Variants in SMPDL3B observed in about 807,000 individuals in gnomAD.
The protein encoded by SMPDL3B is sphingomyelin phosphodiesterase acid like 3B.
Under a neutral mutation model 37.9 loss-of-function variants are expected in SMPDL3B, and 31 were observed. That is an observed-to-expected ratio of 0.82 (90% confidence interval 0.61 to 1.10). The LOEUF is 1.10. Among genes scored for constraint, SMPDL3B ranks in the 50% least tolerant of loss-of-function variants. The probability of loss-of-function intolerance (pLI) is 0.00; values close to 1 mark genes in which losing one functional copy is unlikely to be tolerated. For missense variants in SMPDL3B, 525 were observed against 597.8 expected (o/e 0.88, Z 1.27); for synonymous variants, 235 against 242.6 (o/e 0.97, Z 0.29).
chr1:27,955,790 A>T lies in SMPDL3B; in HGVS notation c.797A>T (p.His266Leu). Residue 266 changes from histidine to leucine, a missense_variant, in exon 6 of 8, where the codon CAT becomes CTT. Physicochemically the swap from His to Leu is moderately conservative, Grantham distance 99 (BLOSUM62 -3). Transcript: ENST00000373894. The part of the protein sequence containing the change: ...NEKYLKVVRK[H>L]HRVIAGQFFG... ...AAATACCTGAAGGTGGTCCGGAAGCATCATCGCGTCATAGCAGGGCAGTTC... is the reference window on the plus strand; with the variant it reads ...AAATACCTGAAGGTGGTCCGGAAGCTTCATCGCGTCATAGCAGGGCAGTTC... 1 of 1,614,180 alleles carries T rather than the reference A, an allele frequency of 6.2e-7. No homozygotes were observed. Among genetic ancestry groups the T allele is most frequent in the Non-Finnish European group, 8.5e-7 (1 of 1,180,034 alleles).
chr1:27,935,021 G>A lies in SMPDL3B; in HGVS notation c.-163G>A, dbSNP rs1225213188. 3 of 598,594 alleles carry A rather than the reference G, an allele frequency of 5.0e-6. No homozygotes were observed. In the South Asian group the frequency reaches 6.1e-5, roughly 12 times the overall value. 37.1% of individuals were successfully genotyped at this position (598,594 alleles called of 1,614,324 possible). ...GATCATACCCTGCTGGGCAAAGGAG[G>A]AAGAGCCAGAGGATCCAGACGCCTT... On this transcript the variant is annotated 5_prime_UTR_variant, in exon 1 of 8. Transcript: ENST00000373894.
In SMPDL3B at chr1:27,946,950, C is replaced by T. The variant is rs143548340; in HGVS notation, c.275+1505C>T. 4.4e-4 allele frequency among the ~76,000 whole-genome samples: 67 copies of T among 152,140 alleles called. 4 individuals carry two copies. The East Asian group carries it at 0.013, about 29-fold the overall frequency. The stretch of plus-strand genomic sequence containing the variant: ...CTTGGGCCTGCTCCCTTGAGGGGAG[C>T]TTCTGATTTCTCCGAGAAGGGAGAG... On this transcript the variant is annotated intron_variant, in intron 2 of 7. Transcript: ENST00000373894.
intron 3 of SMPDL3B, among the ~76,000 whole-genome samples, chr1:27,950,632 AT>A (rs909529801): frequency 2.0e-4 from 30 of 151,720 alleles, no homozygotes; most frequent in African/African-American, 6.8e-4. Flanking sequence ...TATTTTTATT[AT>A]TTTTTTATTT....
At position 27,958,231 on chromosome 1, in the gene SMPDL3B, T is replaced by C. The variant is rs926514556; in HGVS notation, c.1006-245T>C. ...ACCTGTATGAATACCTGTATGACCC[T>C]GGCCAAGTGAATTAACCTCTTTAGG... On this transcript the variant is annotated intron_variant, in intron 7 of 7. Coordinates refer to ENST00000373894, the MANE Select transcript of SMPDL3B (RefSeq NM_014474.4). The surrounding 1 kb of genome is among the most constrained non-coding windows in gnomAD (Gnocchi z 5.6). 5.3e-5 allele frequency among the ~76,000 whole-genome samples: 8 copies of C among 152,218 alleles called. No homozygotes were observed. The highest frequency in any genetic ancestry group is 1.2e-4 in the Non-Finnish European group (8 of 68,026).
chr1:27,958,685 C>T lies in SMPDL3B; in HGVS notation c.1215C>T (p.Cys405=). The change falls in exon 8 of 8, where the codon TGC becomes TGT. Residue 405 remains cysteine, a synonymous_variant. Coordinates refer to ENST00000373894, the MANE Select transcript of SMPDL3B (RefSeq NM_014474.4). This position sits in a 1 kb window ranked among gnomAD's most constrained non-coding sequence, Gnocchi z 5.6. The stretch of plus-strand genomic sequence containing the variant: ...CAGTCAGCTACTCTGCTGGGGTCTG[C>T]GACGAGGCCTGCAGCATGCAGCACG... The part of the protein sequence containing the change: ...YNSVSYSAGV[C]DEACSMQHVC... The T allele has an allele frequency of 2.5e-6, 4 of 1,613,956 alleles. No homozygotes were observed. The highest frequency in any genetic ancestry group is 2.5e-6 in the Non-Finnish European group (3 of 1,180,028).
At chr1:27,937,512 A>T (rs1053314441) in intron 1 of SMPDL3B, among the ~76,000 whole-genome samples, 1 of 152,218 alleles carries the variant, frequency 6.6e-6, no homozygotes, top group African/African-American at 2.4e-5. Context: ...ATGAATTACA[A>T]TTGTGTTTTG....
At chr1:27,936,879 G>T (rs1027366024) in intron 1 of SMPDL3B, among the ~76,000 whole-genome samples, 1 of 152,232 alleles carries the variant, frequency 6.6e-6, no homozygotes, top group East Asian at 1.9e-4. Context: ...AAATTAGCCA[G>T]GCGTGGTGAT....
At chr1:27,946,931 C>T (rs576988699) in intron 2 of SMPDL3B, among the ~76,000 whole-genome samples, 10 of 152,264 alleles carry the variant, frequency 6.6e-5, no homozygotes, top group Admixed American at 3.9e-4. Context: ...TGACCTTGGG[C>T]CTGCTCCCTT....
chr1:27,947,211 T>C (rs1375261060), intron 2 of SMPDL3B, among the ~76,000 whole-genome samples: 1 of 151,988 alleles, frequency 6.6e-6, no homozygotes, highest in African/African-American at 2.4e-5. Flanking sequence ...TAATTTTGTA[T>C]TTTTATTAGA....
chr1:27,942,458 C>A (rs1432330744), intron 1 of SMPDL3B: 1 of 414,590 alleles, frequency 2.4e-6, no homozygotes, highest in Non-Finnish European at 4.9e-6. Flanking sequence ...TTCCTTTACT[C>A]TGGCTTGGGG....
Position 27,956,066 on chromosome 1 carries a change from C to A in SMPDL3B, c.989C>A (p.Ala330Asp), listed in dbSNP as rs142982020. 7 of 1,614,134 alleles carry A rather than the reference C, an allele frequency of 4.3e-6. No homozygotes were observed. In the Admixed American group the frequency reaches 5.0e-5, roughly 12 times the overall value. Residue 330 changes from alanine (A) to aspartate (D), a missense_variant, in exon 7 of 8, where the codon GCC becomes GAC. By Grantham distance (126) the Ala-to-Asp change is moderately radical (BLOSUM62 -2). Transcript: ENST00000373894. ...PAIRVFEYDR[A>D]TLSLKDMVTY... Reference sequence around the variant, plus strand: ...ATCCGGGTGTTCGAATATGACCGAGCCACACTGAGCCTGAAGGTCAGGAGT... The same window carrying A: ...ATCCGGGTGTTCGAATATGACCGAGACACACTGAGCCTGAAGGTCAGGAGT...
At chr1:27,953,156 G>T in intron 3 of SMPDL3B, 59 bp from the exon 4 acceptor site, 1 of 1,424,058 alleles carries the variant, frequency 7.0e-7, no homozygotes. Context: ...AACAGAAAAT[G>T]ATTAACTCCC....
rs545860666 is a variant in SMPDL3B, at chr1:27,945,139, C to CGCCCCT, written c.62-87_62-82dup. ...AGAAGACTTCCATTTGCCTGTGTAACGCCCCTGCCCCAGCCCAGGGCTCCC... is the reference window on the plus strand; with the variant it reads ...AGAAGACTTCCATTTGCCTGTGTAACGCCCCTGCCCCTGCCCCAGCCCAGGGCTCCC... On this transcript the variant is annotated intron_variant, in intron 1 of 7. Transcript: ENST00000373894. The surrounding 1 kb of genome is among the most constrained non-coding windows in gnomAD (Gnocchi z 4.0). The CGCCCCT allele has an allele frequency of 8.1e-5, 99 of 1,216,754 alleles. No homozygotes were observed. The African/African-American group carries it at 1.4e-3, about 17-fold the overall frequency. The allele number at this position is 1,216,754 out of a possible 1,614,324, so 75.4% of individuals were successfully genotyped here.
At chr1:27,950,341 A>G (rs2090445760) in intron 3 of SMPDL3B, among the ~76,000 whole-genome samples, 1 of 152,222 alleles carries the variant, frequency 6.6e-6, no homozygotes, top group Admixed American at 6.5e-5. Flanking sequence ...TGTGGCTCCG[A>G]GCTAGTCGGT....
rs1638368928 is a variant in SMPDL3B, at chr1:27,958,548, C to T, written c.1078C>T (p.Gln360Ter). 6.2e-7 allele frequency: 1 copy of T among 1,613,922 alleles called. No individual in the cohort carries two copies. Among genetic ancestry groups the T allele is most frequent in the Non-Finnish European group, 8.5e-7 (1 of 1,179,942 alleles). The change falls in exon 8 of 8, where the codon CAG (glutamine) becomes TAG (stop). Residue 360 changes from glutamine to a stop codon, truncating the protein, a stop_gained. Coordinates refer to ENST00000373894, the MANE Select transcript of SMPDL3B (RefSeq NM_014474.4). LOFTEE classifies it low-confidence loss of function (END_TRUNC). This position sits in a 1 kb window ranked among gnomAD's most constrained non-coding sequence, Gnocchi z 5.6. ...GACGCCGCGCTGGGAGCTCGAGTACCAGCTGACCGAGGCCTATGGGGTGCC... is the reference window on the plus strand; with the variant it reads ...GACGCCGCGCTGGGAGCTCGAGTACTAGCTGACCGAGGCCTATGGGGTGCC... ...QGTPRWELEY[Q>*]LTEAYGVPDA...
At chr1:27,951,453 T>C (rs1471276879) in intron 3 of SMPDL3B, among the ~76,000 whole-genome samples, 1 of 152,218 alleles carries the variant, frequency 6.6e-6, no homozygotes, top group Non-Finnish European at 1.5e-5. Flanking sequence ...TTCTTCCTGC[T>C]GTGTTCAACT....
chr1:27,939,063 T>C (rs184937592), intron 1 of SMPDL3B: 1 of 152,342 alleles, frequency 6.6e-6, no homozygotes, highest in Non-Finnish European at 1.5e-5. Flanking sequence ...TGCCGCTCAC[T>C]CGCTCAGTTT....
In SMPDL3B at chr1:27,953,249, T is replaced by C. The variant is rs1378413579; in HGVS notation, c.408T>C (p.Asp136=). Residue 136 remains aspartate, a synonymous_variant, in exon 4 of 8, where the codon GAT becomes GAC. Coordinates refer to ENST00000373894, the MANE Select transcript of SMPDL3B (RefSeq NM_014474.4). Reference sequence around the variant, plus strand: ...TCTATGCTGCTTTGGGAAATCATGATTTTCACCCCAAAAACCAGTTCCCAG... The same window carrying C: ...TCTATGCTGCTTTGGGAAATCATGACTTTCACCCCAAAAACCAGTTCCCAG... ...TKVYAALGNH[D]FHPKNQFPAG... is the part of the protein sequence containing the mutation. The C allele has an allele frequency of 6.2e-7, 1 of 1,613,632 alleles. No homozygotes were observed. The highest frequency in any genetic ancestry group is 8.5e-7 in the Non-Finnish European group (1 of 1,179,674).
At chr1:27,941,261 G>A (rs553535178) in intron 1 of SMPDL3B, among the ~76,000 whole-genome samples, 3 of 152,330 alleles carry the variant, frequency 2.0e-5, no homozygotes, top group African/African-American at 7.2e-5. Flanking sequence ...TTTGGGGTCA[G>A]AGAGGTCTGG....
Sources: gnomAD v4.1 joint callset for allele counts (sites outside exome capture counted in the v4.1 genomes callset) on GRCh38, gnomAD v4.1.1 for gene constraint, Gnocchi (gnomAD v3.1) non-coding constraint, MANE v1.5 for transcripts, NCBI Gene and HGNC (gene_info 2026-07-23, HGNC 2026-07-21) for gene names.